KIF22: variants seen among roughly 807,000 people sequenced by gnomAD.
KIF22 encodes kinesin family member 22.
A neutral mutation model predicts 73.0 loss-of-function variants in KIF22; 62 were observed. That is an observed-to-expected ratio of 0.85 (90% CI 0.69 to 1.05). KIF22 has a LOEUF of 1.05. KIF22 is among the 50% of genes least tolerant of loss of function. The pLI is 0.00. For missense variants in KIF22, 854 were observed against 870.1 expected (o/e 0.98, Z 0.23); for synonymous variants, 411 against 340.1 (o/e 1.21, Z -2.29).
rs778682684 is a variant in KIF22, at chr16:29,797,205, A to T, written c.266+117A>T. ...CTCCTTAGCACCGCTTTGTTCCCTG[A>T]GCCTTCACTGTTCACTTAGGAAATG... On this transcript the variant is annotated intron_variant, in intron 2 of 13. Coordinates refer to ENST00000160827, the MANE Select transcript of KIF22 (RefSeq NM_007317.3). The surrounding 1 kb of genome is among the most constrained non-coding windows in gnomAD (Gnocchi z 4.1). 1.4e-6 allele frequency: 1 copy of T among 725,526 alleles called. No individual in the cohort carries two copies. Among genetic ancestry groups the T allele is most frequent in the Non-Finnish European group, 2.2e-6 (1 of 448,568 alleles). 44.9% of individuals were successfully genotyped at this position (725,526 alleles called of 1,614,324 possible). A position where few individuals can be genotyped will look rare whatever the true frequency, so the allele number is the denominator to read the frequency against.
rs550717370 is a variant in KIF22, at chr16:29,799,150, G to C, written c.725G>C (p.Arg242Pro). ...GTAGGAGCCACCCGGCTCAACCAGC[G>C]CTCCTCCCGCAGTCATGCTGTGCTC... ...RTVGATRLNQ[R>P]SSRSHAVLLV... The change falls in exon 5 of 14, where the codon CGC becomes CCC. Residue 242 changes from arginine to proline, a missense_variant. Around this residue, in one of 3 missense-constraint regions of KIF22, gnomAD observed 245 missense variants for 351.8 expected, o/e 0.70. Coordinates refer to ENST00000160827, the MANE Select transcript of KIF22 (RefSeq NM_007317.3). 1 of 1,613,858 alleles carries C rather than the reference G, an allele frequency of 6.2e-7. No individual in the cohort carries two copies. Among genetic ancestry groups the C allele is most frequent in the Non-Finnish European group, 8.5e-7 (1 of 1,179,998 alleles).
intron 1 of KIF22, among the ~76,000 whole-genome samples, chr16:29,794,327 A>G (rs1898895973): frequency 6.6e-6 from 1 of 152,172 alleles, no homozygotes; most frequent in Non-Finnish European, 1.5e-5. Flanking sequence ...TTCACCAAAT[A>G]CCAGATAATG....
intron 1 of KIF22, among the ~76,000 whole-genome samples, chr16:29,794,870 C>T (rs1340643559): frequency 6.6e-6 from 1 of 152,166 alleles, no homozygotes; most frequent in Admixed American, 6.5e-5. Flanking sequence ...ACCACTGCGC[C>T]CGGCCAAATT....
Position 29,798,881 on chromosome 16 carries a change from C to T in KIF22, c.550-94C>T. On this transcript the variant is annotated intron_variant, in intron 4 of 13. Coordinates refer to ENST00000160827, the MANE Select transcript of KIF22 (RefSeq NM_007317.3). This position sits in a 1 kb window ranked among gnomAD's most constrained non-coding sequence, Gnocchi z 4.1. Reference sequence around the variant, plus strand: ...ACAGAGACTGGGGTAGCAGATGGTACAACTCCGAGAATAGAACAGAGAAAG... The same window carrying T: ...ACAGAGACTGGGGTAGCAGATGGTATAACTCCGAGAATAGAACAGAGAAAG... 1 of 1,535,482 alleles carries T rather than the reference C, an allele frequency of 6.5e-7. No homozygotes were observed. The highest frequency in any genetic ancestry group is 1.4e-5 in the African/African-American group (1 of 73,012).
At chr16:29,800,070 G>A (rs770819410) in intron 8 of KIF22, 22 bp downstream of exon 8, 7 of 1,597,396 alleles carry the variant, frequency 4.4e-6, no homozygotes, top group Admixed American at 1.7e-5. Context: ...GGCCTTGGGT[G>A]TATCCCCTTC....
In KIF22 at chr16:29,799,282, T is replaced by C. The variant is rs779756888; in HGVS notation, c.778T>C (p.Leu260=). 1.2e-6 allele frequency: 2 copies of C among 1,613,896 alleles called. No individual in the cohort carries two copies. The highest frequency in any genetic ancestry group is 1.7e-5 in the Admixed American group (1 of 59,962). The part of the protein sequence containing the change: ...LLVKVDQRER[L]APFRQREGKL... The stretch of plus-strand genomic sequence containing the variant: ...CCCCCAGGTGGACCAGCGGGAACGT[T>C]TGGCCCCATTTCGCCAGCGAGAGGG... The change falls in exon 6 of 14, where the codon TTG becomes CTG. Residue 260 remains leucine, a synonymous_variant. Transcript: ENST00000160827.
chr16:29,803,561 CA>C lies in KIF22; in HGVS notation c.1563del (p.Ala523GlnfsTer4). On this transcript the variant is annotated frameshift_variant, in exon 10 of 14. Coordinates refer to ENST00000160827, the MANE Select transcript of KIF22 (RefSeq NM_007317.3). LOFTEE classifies it high-confidence loss of function. ...MLRPLSHRTVTGAKPLKKAVV... is the reference protein window; with the variant it reads ...MLRPLSHRTVXGAKPLKKAVV... ...CGGCCCCTTTCACATCGCACAGTCA[CA>C]GGGGCAAAGCCCCTGAAAAAGGCTG... 2 of 1,613,518 alleles carry C rather than the reference CA, an allele frequency of 1.2e-6. No homozygotes were observed. The highest frequency in any genetic ancestry group is 1.7e-6 in the Non-Finnish European group (2 of 1,179,662).
Position 29,803,484 on chromosome 16 carries a change from G to T in KIF22, c.1485G>T (p.Lys495Asn). The T allele has an allele frequency of 6.2e-7, 1 of 1,614,130 alleles. No homozygotes were observed. The highest frequency in any genetic ancestry group is 8.5e-7 in the Non-Finnish European group (1 of 1,179,960). Residue 495 changes from lysine (K) to asparagine (N), a missense_variant, in exon 10 of 14, where the codon AAG (lysine) becomes AAT (asparagine). Lys to Asn is a moderately conservative substitution (Grantham distance 94). Coordinates refer to ENST00000160827, the MANE Select transcript of KIF22 (RefSeq NM_007317.3). ...LKTKQKELEA[K>N]MLAQKAEEKE... is the part of the protein sequence containing the mutation. ...CGAAGCAAAAAGAACTGGAGGCCAA[G>T]ATGTTGGCCCAGAAGGCTGAGGAAA...
chr16:29,801,126 C>T (rs982439821), intron 8 of KIF22, among the ~76,000 whole-genome samples: 3 of 152,146 alleles, frequency 2.0e-5, no homozygotes, highest in African/African-American at 4.8e-5. Flanking sequence ...GTCCTAACTG[C>T]GTCTACCCTC....
chr16:29,803,499 G>A lies in KIF22; in HGVS notation c.1500G>A (p.Lys500=). ...KELEAKMLAQ[K]AEEKENHCPT... ...TGGAGGCCAAGATGTTGGCCCAGAA[G>A]GCTGAGGAAAAGGAGAACCATTGTC... The change falls in exon 10 of 14, where the codon AAG becomes AAA. Residue 500 remains lysine, a synonymous_variant. Coordinates refer to ENST00000160827, the MANE Select transcript of KIF22 (RefSeq NM_007317.3). The A allele has an allele frequency of 6.2e-7, 1 of 1,614,226 alleles. No homozygotes were observed. Among genetic ancestry groups the A allele is most frequent in the Non-Finnish European group, 8.5e-7 (1 of 1,180,030 alleles).
chr16:29,790,952 G>T, intron 1 of KIF22, 123 bp downstream of exon 1: 1 of 1,508,508 alleles, frequency 6.6e-7, no homozygotes, highest in Non-Finnish European at 8.9e-7. Flanking sequence ...GCAGGGGCGG[G>T]GAGAGGGGGA....
chr16:29,798,292 C>G lies in KIF22; in HGVS notation c.267-82C>G. On this transcript the variant is annotated intron_variant, in intron 2 of 13. Coordinates refer to ENST00000160827, the MANE Select transcript of KIF22 (RefSeq NM_007317.3). The surrounding 1 kb of genome is among the most constrained non-coding windows in gnomAD (Gnocchi z 4.1). ...AGATGAGAGTAGAATCCCTTACCCACCCCCACCCCACTCCACCCCTTACAC... is the reference window on the plus strand; with the variant it reads ...AGATGAGAGTAGAATCCCTTACCCAGCCCCACCCCACTCCACCCCTTACAC... 1.6e-6 allele frequency: 2 copies of G among 1,285,374 alleles called. No homozygotes were observed. Among genetic ancestry groups the G allele is most frequent in the Non-Finnish European group, 2.1e-6 (2 of 954,640 alleles). 79.6% of individuals were successfully genotyped at this position (1,285,374 alleles called of 1,614,324 possible). A position where few individuals can be genotyped will look rare whatever the true frequency, so the allele number is the denominator to read the frequency against.
chr16:29,802,782 C>T lies in KIF22; in HGVS notation c.1294C>T (p.Leu432=). 1 of 1,580,560 alleles carries T rather than the reference C, an allele frequency of 6.3e-7. No homozygotes were observed. Among genetic ancestry groups the T allele is most frequent in the South Asian group, 1.2e-5 (1 of 85,712 alleles). ...ASQKLSPLQK[L]SSMDPAMLER... ...TTTTCTGCTCAGCCCCCTACAGAAG[C>T]TAAGCAGCATGGACCCGGCCATGCT... Residue 432 remains leucine (L), a synonymous_variant, in exon 9 of 14, where the codon CTA becomes TTA. Coordinates refer to ENST00000160827, the MANE Select transcript of KIF22 (RefSeq NM_007317.3).
Position 29,798,723 on chromosome 16 carries a change from T to G in KIF22, c.525T>G (p.Ser175=), listed in dbSNP as rs1428326468. The G allele has an allele frequency of 6.2e-7, 1 of 1,613,984 alleles. No homozygotes were observed. The highest frequency in any genetic ancestry group is 1.1e-5 in the South Asian group (1 of 91,078). Residue 175 remains serine, a synonymous_variant, in exon 4 of 14, where the codon TCT becomes TCG. Transcript: ENST00000160827. The surrounding 1 kb of genome is among the most constrained non-coding windows in gnomAD (Gnocchi z 4.1). ...GRPWALSVTM[S]YLEIYQEKVL... The stretch of plus-strand genomic sequence containing the variant: ...CATGGGCCCTTTCTGTCACCATGTC[T>G]TACCTAGAGATCTACCAGGAGAAGG...
chr16:29,805,086 C>G (rs775398983), intron 12 of KIF22, 29 bp from the exon 13 acceptor site: 1 of 1,613,184 alleles, frequency 6.2e-7, no homozygotes, highest in Non-Finnish European at 8.5e-7. Flanking sequence ...CCCCCGAGAC[C>G]CTGTCCCCTA....
In KIF22 at chr16:29,793,957, A is replaced by G. The variant is rs189141287; in HGVS notation, c.71-2936A>G. Among the ~76,000 whole-genome samples, 3 of 152,270 alleles carry G rather than the reference A, an allele frequency of 2.0e-5. No homozygotes were observed. In the East Asian group the frequency reaches 5.8e-4, roughly 29 times the overall value. On this transcript the variant is annotated intron_variant, in intron 1 of 13. Coordinates refer to ENST00000160827, the MANE Select transcript of KIF22 (RefSeq NM_007317.3). ...GAGTATGCCTACTGGATCTAGCACT[A>G]GGGAAGTCATGGGTGACCCTGCTGA...
Position 29,790,835 on chromosome 16 carries a change from TGA to T in KIF22, c.70+8_70+9del. Reference sequence around the variant, plus strand: ...TTCAGCGGCGGCGATCTCAGGTACTTGAGCCCGGCCTGGGCAAGGCGGGTACC... The same window carrying T: ...TTCAGCGGCGGCGATCTCAGGTACTTGCCCGGCCTGGGCAAGGCGGGTACC... On this transcript the variant is annotated splice_region_variant and intron_variant, in intron 1 of 13. Transcript: ENST00000160827. 6.3e-7 allele frequency: 1 copy of T among 1,598,978 alleles called. No individual in the cohort carries two copies.
intron 1 of KIF22, among the ~76,000 whole-genome samples, chr16:29,794,100 T>C (rs1898890553): frequency 1.3e-5 from 2 of 152,158 alleles, no homozygotes; most frequent in South Asian, 2.1e-4. Flanking sequence ...ACATTGTATG[T>C]ACATTATTAC....
intron 1 of KIF22, among the ~76,000 whole-genome samples, chr16:29,794,103 A>G (rs942980143): frequency 6.6e-5 from 10 of 152,218 alleles, no homozygotes; most frequent in African/African-American, 2.2e-4. Context: ...TTGTATGTAC[A>G]TTATTACTTT....
Sources: gnomAD v4.1 joint callset for allele counts (sites outside exome capture counted in the v4.1 genomes callset) on GRCh38, gnomAD v4.1.1 for gene constraint, gnomAD v4.1.1 regional missense constraint, Gnocchi (gnomAD v3.1) non-coding constraint, MANE v1.5 for transcripts, NCBI Gene and HGNC (gene_info 2026-07-23, HGNC 2026-07-21) for gene names.